Variants in EEF1B2 observed in about 807,000 individuals in gnomAD.
EEF1B2 encodes the protein elongation factor 1-beta.
Under a neutral mutation model 28.3 loss-of-function variants are expected in EEF1B2, and 12 were observed. That is an observed-to-expected ratio of 0.42 (90% CI 0.27 to 0.69). EEF1B2 has a LOEUF of 0.69. Ranked by LOEUF, EEF1B2 falls within the 30% of genes least tolerant of loss-of-function variation. The pLI is 0.22. For missense variants in EEF1B2, 234 were observed against 272.6 expected, an observed-to-expected ratio of 0.86 and a Z score of 1.00; for synonymous variants, 83 against 99.9, an observed-to-expected ratio of 0.83 and a Z score of 1.01.
chr2:206,160,611 T>C lies in EEF1B2; in HGVS notation c.104T>C (p.Val35Ala), dbSNP rs778144732. 2 of 1,614,090 alleles carry C rather than the reference T, an allele frequency of 1.2e-6. No homozygotes were observed. Among genetic ancestry groups the C allele is most frequent in the Admixed American group, 1.7e-5 (1 of 59,998 alleles). ...IEGYVPSQAD[V>A]AVFEAVSSPP... ...AGGTATGTGCCATCACAAGCAGATG[T>C]GGCAGTATTTGAAGCCGTGTCCAGC... The change falls in exon 2 of 6, where the codon GTG (valine) becomes GCG (alanine). Residue 35 changes from valine to alanine, a missense_variant. Val to Ala is a moderately conservative substitution (Grantham distance 64). Around this residue, in one of 2 missense-constraint regions of EEF1B2, gnomAD observed 178 missense variants for 173.3 expected, o/e 1.03. Coordinates refer to ENST00000392222, the MANE Select transcript of EEF1B2 (RefSeq NM_001959.4).
chr2:206,160,721 C>G lies in EEF1B2; in HGVS notation c.203+11C>G, dbSNP rs761723903. The stretch of plus-strand genomic sequence containing the variant: ...AAAGGAAAAGGCCAGGTAAAATCAT[C>G]TTTGTATAGAGCTGAAGAATAAGAC... On this transcript the variant is annotated intron_variant, in intron 2 of 5. Coordinates refer to ENST00000392222, the MANE Select transcript of EEF1B2 (RefSeq NM_001959.4). 2 of 1,613,982 alleles carry G rather than the reference C, an allele frequency of 1.2e-6. No homozygotes were observed. Among genetic ancestry groups the G allele is most frequent in the East Asian group, 2.2e-5 (1 of 44,884 alleles).
At chr2:206,160,925 C>G (rs1359488111) in intron 2 of EEF1B2, 1 of 791,544 alleles carries the variant, frequency 1.3e-6, no homozygotes, top group Non-Finnish European at 2.1e-6. Context: ...TTTCCCCACA[C>G]TGCCCTGCCA....
intron 2 of EEF1B2, 43 bp from the exon 3 acceptor site, chr2:206,161,303 G>A (rs1192267809): frequency 1.9e-6 from 3 of 1,608,708 alleles, no homozygotes; most frequent in African/African-American, 1.3e-5. Flanking sequence ...GGAAAAGGAT[G>A]TTATACTAGC....
In EEF1B2 at chr2:206,159,997, G is replaced by GA; in HGVS notation, c.22dup (p.Ser8LysfsTer32). The GA allele has an allele frequency of 6.2e-7, 1 of 1,613,140 alleles. No individual in the cohort carries two copies. The highest frequency in any genetic ancestry group is 1.1e-5 in the South Asian group (1 of 91,038). On this transcript the variant is annotated frameshift_variant, in exon 1 of 6. Transcript: ENST00000392222. LOFTEE classifies it high-confidence loss of function. ...CCGACACCATGGGTTTCGGAGACCT[G>GA]AAAAGCCCTGCCGGCCTCCAGGTGC... is the stretch of plus-strand genomic sequence containing the variant.
rs747209970 is a variant in EEF1B2, at chr2:206,162,054, A to G, written c.347A>G (p.Lys116Arg). ...TCTTTACAGGAAAGTGAAGAAGCAA[A>G]GAGGCTAAGGGAAGAACGTCTTGCA... is the stretch of plus-strand genomic sequence containing the variant. ...SDDEEESEEA[K>R]RLREERLAQY... The change falls in exon 4 of 6, where the codon AAG (lysine) becomes AGG (arginine). Residue 116 changes from lysine (K) to arginine (R), a missense_variant. Physicochemically the swap from Lys to Arg is conservative, Grantham distance 26 (BLOSUM62 2). This residue lies in a region of EEF1B2 where 178 missense variants were observed against 173.3 expected (regional missense o/e 1.03). Coordinates refer to ENST00000392222, the MANE Select transcript of EEF1B2 (RefSeq NM_001959.4). 6.2e-7 allele frequency: 1 copy of G among 1,614,118 alleles called. No individual in the cohort carries two copies. The highest frequency in any genetic ancestry group is 2.2e-5 in the East Asian group (1 of 44,864).
chr2:206,160,020 T>G lies in EEF1B2; in HGVS notation c.41T>G (p.Val14Gly), dbSNP rs1274194178. The G allele has an allele frequency of 6.2e-7, 1 of 1,613,290 alleles. No homozygotes were observed. The highest frequency in any genetic ancestry group is 8.5e-7 in the Non-Finnish European group (1 of 1,179,730). The change falls in exon 1 of 6, where the codon GTG becomes GGG. Residue 14 changes from valine (V) to glycine (G), a missense_variant. Transcript: ENST00000392222. ...CTGAAAAGCCCTGCCGGCCTCCAGG[T>G]GCTCAACGATTACCTGGCGGACAAG... ...GDLKSPAGLQ[V>G]LNDYLADKSY...
chr2:206,159,847 G>A, upstream of EEF1B2: 2 of 999,500 alleles, frequency 2.0e-6, no homozygotes, highest in Non-Finnish European at 2.9e-6. Context: ...GCGCGGTGGA[G>A]GGAAACGCCT....
chr2:206,159,820 C>T (rs1466432632), upstream of EEF1B2: 2 of 727,332 alleles, frequency 2.7e-6, no homozygotes, highest in African/African-American at 3.7e-5. Context: ...GTACTTTGAC[C>T]TTTAACCTTC....
At chr2:206,161,931 G>A in intron 3 of EEF1B2, 107 bp from the exon 4 acceptor site, 1 of 919,986 alleles carries the variant, frequency 1.1e-6, no homozygotes, top group Non-Finnish European at 1.8e-6. Context: ...AGTTCGTGAT[G>A]GATTTGCTTT....
intron 2 of EEF1B2, 100 bp from the exon 3 acceptor site, chr2:206,161,246 G>C: frequency 6.6e-7 from 1 of 1,521,840 alleles, no homozygotes. Context: ...ATTGCAAAAG[G>C]GATCTAGTGA....
In EEF1B2 at chr2:206,162,467, T is replaced by G. The variant is rs200624747; in HGVS notation, c.398-22T>G. 1.7e-4 allele frequency: 279 copies of G among 1,611,374 alleles called. 2 individuals are homozygous for G. The African/African-American group carries it at 3.4e-3, about 20-fold the overall frequency. On this transcript the variant is annotated intron_variant, in intron 4 of 5. Transcript: ENST00000392222. ...AAAAAAATACAATTCATTATTTGAA[T>G]AATGCTGTTTATTGTTTTTAGAACC...
Position 206,159,976 on chromosome 2 carries a change from C to A in EEF1B2, c.-4C>A. The stretch of plus-strand genomic sequence containing the variant: ...CTCCCCAGCTCTCGGATACAGCCGA[C>A]ACCATGGGTTTCGGAGACCTGAAAA... On this transcript the variant is annotated 5_prime_UTR_variant, in exon 1 of 6. Transcript: ENST00000392222. 6.2e-7 allele frequency: 1 copy of A among 1,612,106 alleles called. No individual in the cohort carries two copies. Among genetic ancestry groups the A allele is most frequent in the Non-Finnish European group, 8.5e-7 (1 of 1,179,566 alleles).
At chr2:206,161,770 A>G (rs1044209849) in intron 3 of EEF1B2, 1 of 337,488 alleles carries the variant, frequency 3.0e-6, no homozygotes, top group Non-Finnish European at 5.6e-6. Flanking sequence ...CTCCGTCCCA[A>G]AAAAAAAAAA....
intron 2 of EEF1B2, chr2:206,160,996 C>A: frequency 1.5e-6 from 1 of 655,346 alleles, no homozygotes; most frequent in South Asian, 1.5e-5. Context: ...CTCATTCATT[C>A]AGTCCTTGGC....
rs1559072790 is a variant in EEF1B2 at position 206,160,715 on chromosome 2, A to AT, written c.203+5_203+6insT. ...TTACGAAAAGGAAAAGGCCAGGTAA[A>AT]ATCATCTTTGTATAGAGCTGAAGAA... On this transcript the variant is annotated splice_donor_region_variant and intron_variant, in intron 2 of 5. Transcript: ENST00000392222. 6.2e-7 allele frequency: 1 copy of AT among 1,614,126 alleles called. No homozygotes were observed. The highest frequency in any genetic ancestry group is 1.7e-5 in the Admixed American group (1 of 60,020).
chr2:206,162,467 T>C, intron 4 of EEF1B2, 22 bp from the exon 5 acceptor site: 1 of 1,611,374 alleles, frequency 6.2e-7, no homozygotes, highest in East Asian at 2.2e-5. Context: ...ATTATTTGAA[T>C]AATGCTGTTT....
intron 1 of EEF1B2, 141 bp from the exon 2 acceptor site, chr2:206,160,447 G>C: frequency 7.0e-7 from 1 of 1,431,838 alleles, no homozygotes; most frequent in Non-Finnish European, 9.4e-7. Context: ...ATTTGAAGGA[G>C]CTAATAAGAA....
intron 2 of EEF1B2, 171 bp downstream of exon 2, chr2:206,160,881 G>C: frequency 3.1e-6 from 3 of 970,322 alleles, no homozygotes; most frequent in Non-Finnish European, 4.8e-6. Context: ...TTTTTTCACA[G>C]AACAGGTAGA....
upstream of EEF1B2, chr2:206,159,884 T>A: frequency 2.1e-6 from 3 of 1,410,344 alleles, no homozygotes; most frequent in Non-Finnish European, 1.9e-6. Flanking sequence ...AATTTTCCGG[T>A]CTCTTCGGGT....
Sources: allele counts gnomAD v4.1 joint callset, GRCh38; gene constraint gnomAD v4.1.1; regional missense constraint gnomAD v4.1.1; transcripts MANE v1.5; gene names NCBI Gene and HGNC (gene_info 2026-07-23, HGNC 2026-07-21).